RBFOX2: variants seen among roughly 807,000 people sequenced by gnomAD.
RBFOX2 encodes RNA binding fox-1 homolog 2.
RBFOX2 carries 10 observed loss-of-function variants against 49.1 expected under a neutral mutation model. That is an observed-to-expected ratio of 0.20 (90% CI 0.13 to 0.35). The LOEUF is 0.35. RBFOX2 is among the 10% of genes least tolerant of loss of function. The pLI, the probability that RBFOX2 is intolerant of heterozygous loss-of-function variation, is 1.00. For missense variants in RBFOX2, 323 were observed against 486.9 expected (o/e 0.66, Z 3.17); for synonymous variants, 183 against 187.4 (o/e 0.98, Z 0.19).
intron 1 of RBFOX2, among the ~76,000 whole-genome samples, chr22:35,933,469 T>C (rs573737205): frequency 1.3e-5 from 2 of 152,346 alleles, no homozygotes; most frequent in South Asian, 2.1e-4. Flanking sequence ...GTTTTGCAAG[T>C]ATCCCACTGC....
At chr22:35,895,683 C>T (rs1039840605) in intron 1 of RBFOX2, among the ~76,000 whole-genome samples, 6 of 152,134 alleles carry the variant, frequency 3.9e-5, no homozygotes, top group East Asian at 3.8e-4. Flanking sequence ...TTACTCACCA[C>T]GCAGACGGGC....
intron 1 of RBFOX2, among the ~76,000 whole-genome samples, chr22:35,893,306 G>A (rs1312894098): frequency 1.3e-5 from 2 of 151,974 alleles, no homozygotes; most frequent in Admixed American, 6.5e-5. Context: ...CTGTTCCAGG[G>A]TTAATAAGTA....
chr22:35,947,450 T>C (rs1426008106), intron 1 of RBFOX2, among the ~76,000 whole-genome samples: 1 of 151,054 alleles, frequency 6.6e-6, no homozygotes, highest in Non-Finnish European at 1.5e-5. Flanking sequence ...CTTCTACTTA[T>C]GTAAAAAAAA....
At chr22:35,791,037 A>C (rs539326021) in intron 2 of RBFOX2, among the ~76,000 whole-genome samples, 132 of 151,972 alleles carry the variant, frequency 8.7e-4, no homozygotes, top group African/African-American at 2.0e-3. Flanking sequence ...CACACACACA[A>C]AAAAAGCAAG....
chr22:35,885,643 A>G (rs974054680), intron 1 of RBFOX2, among the ~76,000 whole-genome samples: 2 of 152,050 alleles, frequency 1.3e-5, no homozygotes, highest in African/African-American at 2.4e-5. Flanking sequence ...AAATAATTTG[A>G]CAGTTATTTT....
At chr22:35,962,790 T>C (rs2056312879), upstream of RBFOX2, among the ~76,000 whole-genome samples, 1 of 152,114 alleles carries the variant, frequency 6.6e-6, no homozygotes, top group African/African-American at 2.4e-5. Flanking sequence ...CTTCATTCTC[T>C]GGCTCAGATG....
intron 1 of RBFOX2, among the ~76,000 whole-genome samples, chr22:35,865,810 T>C (rs1197282279): frequency 6.6e-6 from 1 of 152,184 alleles, no homozygotes; most frequent in Non-Finnish European, 1.5e-5. Flanking sequence ...TTCCAAATGA[T>C]AATACATATC....
chr22:35,972,395 T>A (rs796573178), intron 1 of RBFOX2, among the ~76,000 whole-genome samples: 3 of 151,570 alleles, frequency 2.0e-5, no homozygotes, highest in African/African-American at 7.3e-5. Flanking sequence ...AAACCGCTTA[T>A]ATTCGTTTCT....
At chr22:35,897,891 A>G (rs2048059506) in intron 1 of RBFOX2, 2 of 728,650 alleles carry the variant, frequency 2.7e-6, no homozygotes, top group Non-Finnish European at 2.6e-6. Flanking sequence ...TAATATTCAC[A>G]TTCAGATGTG....
rs569619289 is a variant in RBFOX2 at position 36,017,071 on chromosome 22, C to T, written c.186+11169G>A. On this transcript the variant is annotated intron_variant, in intron 1 of 13. Coordinates refer to the RBFOX2 transcript ENST00000438146. ...GTGAAGTCGGAGGGGAGAACAACAGCCAGAGAGAATTCTTATAAAATACTT... is the reference window on the plus strand; with the variant it reads ...GTGAAGTCGGAGGGGAGAACAACAGTCAGAGAGAATTCTTATAAAATACTT... Among the ~76,000 whole-genome samples, 2 of 152,282 alleles carry T rather than the reference C, an allele frequency of 1.3e-5. 1 individual carries two copies. Among genetic ancestry groups the T allele is most frequent in the South Asian group, 4.1e-4 (2 of 4,822 alleles).
At chr22:35,969,077 A>G (rs1446541246) in intron 1 of RBFOX2, among the ~76,000 whole-genome samples, 1 of 152,170 alleles carries the variant, frequency 6.6e-6, no homozygotes, top group Non-Finnish European at 1.5e-5. Flanking sequence ...TCCCAAAGAC[A>G]GCAGAGAGCA....
At position 35,933,953 on chromosome 22, in the gene RBFOX2, T is replaced by TATACAC. The variant is rs1009021083; in HGVS notation, c.-34+4893_-34+4894insGTGTAT. 7.2e-4 allele frequency among the ~76,000 whole-genome samples: 102 copies of TATACAC among 141,078 alleles called. 1 individual carries two copies. The highest frequency in any genetic ancestry group is 2.6e-3 in the African/African-American group (93 of 35,772). The allele number at this position is 141,078 out of a possible 152,430, so 92.6% of individuals were successfully genotyped here. On this transcript the variant is annotated intron_variant, in intron 1 of 13. Coordinates refer to the RBFOX2 transcript ENST00000359369. ...ATATATATATATATATATATATATA[T>TATACAC]ACACACATCAATGAAATAAATTAGA...
intron 1 of RBFOX2, among the ~76,000 whole-genome samples, chr22:35,918,259 C>G (rs776496991): frequency 3.3e-5 from 5 of 152,208 alleles, no homozygotes; most frequent in African/African-American, 4.8e-5. Context: ...ATTAAAAAGA[C>G]TTACATCCTG....
At chr22:35,935,178 C>A (rs1299448779) in intron 1 of RBFOX2, among the ~76,000 whole-genome samples, 2 of 152,106 alleles carry the variant, frequency 1.3e-5, no homozygotes, top group East Asian at 3.8e-4. Flanking sequence ...TCAAACAATC[C>A]TCCTGCCTTG....
At chr22:35,982,842 A>T (rs1057135011) in intron 1 of RBFOX2, among the ~76,000 whole-genome samples, 5 of 151,998 alleles carry the variant, frequency 3.3e-5, no homozygotes, top group African/African-American at 1.2e-4. Flanking sequence ...TTATGTCCCA[A>T]AAGCAAAACA....
At chr22:35,970,494 A>C (rs112591066) in intron 1 of RBFOX2, among the ~76,000 whole-genome samples, 11 of 151,060 alleles carry the variant, frequency 7.3e-5, no homozygotes, top group East Asian at 1.9e-4. Flanking sequence ...AAAAAAAAAA[A>C]ACACACACAC....
intron 1 of RBFOX2, among the ~76,000 whole-genome samples, chr22:35,926,267 C>T (rs1381542895): frequency 6.6e-6 from 1 of 152,188 alleles, no homozygotes; most frequent in Non-Finnish European, 1.5e-5. Context: ...GTAGTACTAA[C>T]CGCTACAGCA....
intron 1 of RBFOX2, among the ~76,000 whole-genome samples, chr22:35,886,905 T>C (rs1296565352): frequency 1.3e-5 from 2 of 152,156 alleles, no homozygotes; most frequent in African/African-American, 2.4e-5. Context: ...CTAAAATATA[T>C]TTTTGTCGTT....
chr22:35,930,518 G>T (rs1312524599), intron 1 of RBFOX2, among the ~76,000 whole-genome samples: 1 of 151,838 alleles, frequency 6.6e-6, no homozygotes, highest in Non-Finnish European at 1.5e-5. Context: ...TTTATTAGAA[G>T]GAAAGAGGTC....
Sources: allele counts gnomAD v4.1 joint callset (sites outside exome capture counted in the v4.1 genomes callset), GRCh38; gene constraint gnomAD v4.1.1; transcripts MANE v1.5; gene names NCBI Gene and HGNC (gene_info 2026-07-23, HGNC 2026-07-21).